RAB6A: variants seen among roughly 807,000 people sequenced by gnomAD.
RAB6A encodes ras-related protein Rab-6A.
In RAB6A, 8 loss-of-function variants were observed where a neutral mutation model predicts 32.3. That is an observed-to-expected ratio of 0.25 (90% confidence interval 0.15 to 0.45). The LOEUF (loss-of-function observed/expected upper bound fraction) is 0.45. Among genes scored for constraint, RAB6A ranks in the 20% least tolerant of loss-of-function variants. The pLI, the probability that RAB6A is intolerant of heterozygous loss-of-function variation, is 1.00. For synonymous variants in RAB6A, 73 were observed against 82.1 expected (o/e 0.89, Z 0.60); for missense variants, 104 against 249.4 (o/e 0.42, Z 3.93).
chr11:73,733,543 A>G (rs1441072805), intron 1 of RAB6A, among the ~76,000 whole-genome samples: 1 of 150,980 alleles, frequency 6.6e-6, no homozygotes, highest in East Asian at 1.9e-4. Context: ...GGTGTGAGAC[A>G]CCATCTCAAA....
At chr11:73,715,918 T>C (rs1371092326) in intron 5 of RAB6A, among the ~76,000 whole-genome samples, 1 of 152,206 alleles carries the variant, frequency 6.6e-6, no homozygotes, top group East Asian at 1.9e-4. Context: ...TTTTTAAAGA[T>C]AAGGTTTTTC....
At chr11:73,741,805 G>T (rs986380880) in intron 1 of RAB6A, among the ~76,000 whole-genome samples, 1 of 151,940 alleles carries the variant, frequency 6.6e-6, no homozygotes, top group Non-Finnish European at 1.5e-5. Context: ...AAGACAAAAA[G>T]AAATAAAAAA....
At chr11:73,725,764 A>T (rs931446951) in intron 2 of RAB6A, among the ~76,000 whole-genome samples, 2 of 152,218 alleles carry the variant, frequency 1.3e-5, no homozygotes, top group Non-Finnish European at 2.9e-5. Flanking sequence ...TAGCCAAACC[A>T]TATCAAGAGG....
At chr11:73,751,221 G>A (rs1050565582) in intron 1 of RAB6A, among the ~76,000 whole-genome samples, 2 of 152,122 alleles carry the variant, frequency 1.3e-5, no homozygotes, top group African/African-American at 4.8e-5. Flanking sequence ...CCGGGCTGTA[G>A]TACGCTATAA....
chr11:73,752,793 G>A (rs1304731152), intron 1 of RAB6A, among the ~76,000 whole-genome samples: 2 of 151,492 alleles, frequency 1.3e-5, no homozygotes, highest in Non-Finnish European at 2.9e-5. Flanking sequence ...ACTCAAGCCT[G>A]GGTGACAGAG....
chr11:73,685,286 C>CTT (rs750488240), intron 6 of RAB6A, among the ~76,000 whole-genome samples: 16,072 of 117,144 alleles, frequency 0.14, 1,511 homozygotes, highest in African/African-American at 0.18. Context: ...TATAGAAAGT[C>CTT]TTTTTTTTTT....
chr11:73,756,348 C>T (rs969377624), intron 1 of RAB6A, among the ~76,000 whole-genome samples: 18 of 151,962 alleles, frequency 1.2e-4, no homozygotes, highest in African/African-American at 3.9e-4. Flanking sequence ...AGGTAGACCC[C>T]GTCTCAAAAG....
At chr11:73,703,277 T>C (rs923863659) in intron 6 of RAB6A, among the ~76,000 whole-genome samples, 2 of 152,184 alleles carry the variant, frequency 1.3e-5, no homozygotes, top group African/African-American at 4.8e-5. Flanking sequence ...TTGTTCAGTC[T>C]AGCTAAGAAA....
intron 2 of RAB6A, among the ~76,000 whole-genome samples, chr11:73,727,895 T>C (rs762669145): frequency 1.3e-5 from 2 of 152,178 alleles, no homozygotes; most frequent in South Asian, 2.1e-4. Flanking sequence ...ATCTATAGAA[T>C]GACAAATGAA....
At chr11:73,718,315 T>C (rs1208006307) in intron 4 of RAB6A, among the ~76,000 whole-genome samples, 1 of 152,108 alleles carries the variant, frequency 6.6e-6, no homozygotes, top group Non-Finnish European at 1.5e-5. Context: ...AAGGAAACAT[T>C]CCTCCAACTA....
At chr11:73,700,533 G>A (rs951350713) in intron 6 of RAB6A, among the ~76,000 whole-genome samples, 1 of 131,418 alleles carries the variant, frequency 7.6e-6, no homozygotes. Flanking sequence ...GCAGTGAGCC[G>A]TGTTCATACC....
rs370374919 is a variant in RAB6A, at chr11:73,760,239, G to A, written c.70+327C>T. The A allele has an allele frequency of 1.8e-3, 1,308 of 738,300 alleles. 26 individuals carry two copies. Among genetic ancestry groups the A allele is most frequent in the South Asian group, 0.017 (1,104 of 63,742 alleles). The allele number at this position is 738,300 out of a possible 1,614,324, so 45.7% of individuals were successfully genotyped here. A position where few individuals can be genotyped will look rare whatever the true frequency, so the allele number is the denominator to read the frequency against. On this transcript the variant is annotated intron_variant, in intron 1 of 7. Transcript: ENST00000336083. Reference sequence around the variant, plus strand: ...GGCTCAAGAAAGGGGGCCGGGGTACGGGCAATGACCGAGACCGGAGGAAGA... The same window carrying A: ...GGCTCAAGAAAGGGGGCCGGGGTACAGGCAATGACCGAGACCGGAGGAAGA...
At chr11:73,750,641 G>A (rs886221163) in intron 1 of RAB6A, among the ~76,000 whole-genome samples, 2 of 152,068 alleles carry the variant, frequency 1.3e-5, no homozygotes, top group African/African-American at 4.8e-5. Flanking sequence ...ACAGGCATGA[G>A]CCCCCATACC....
chr11:73,714,528 G>A (rs1044130379), intron 5 of RAB6A, among the ~76,000 whole-genome samples: 1 of 151,324 alleles, frequency 6.6e-6, no homozygotes, highest in African/African-American at 2.4e-5. Flanking sequence ...CGGGCATGGT[G>A]GCAGGCATCA....
At chr11:73,704,813 G>A (rs1310658385) in intron 6 of RAB6A, among the ~76,000 whole-genome samples, 3 of 151,764 alleles carry the variant, frequency 2.0e-5, no homozygotes, top group African/African-American at 7.3e-5. Flanking sequence ...TGGTGAACAC[G>A]GTGAAACCCC....
chr11:73,759,089 A>G (rs1027991961), intron 1 of RAB6A, among the ~76,000 whole-genome samples: 9 of 152,238 alleles, frequency 5.9e-5, no homozygotes, highest in African/African-American at 2.2e-4. Context: ...AAATTAGTAT[A>G]AATAGTTCAA....
At chr11:73,684,280 T>C (rs1945406786) in intron 6 of RAB6A, among the ~76,000 whole-genome samples, 1 of 150,772 alleles carries the variant, frequency 6.6e-6, no homozygotes, top group Non-Finnish European at 1.5e-5. Flanking sequence ...GCGATTCTCC[T>C]GCCTCAGCCT....
chr11:73,760,035 C>T lies in RAB6A; in HGVS notation c.70+531G>A, dbSNP rs1194914377. Reference sequence around the variant, plus strand: ...AAAATCATTTAATTTTTTCTACTACCACCCCTTCCCACCTTCCACGACATC... The same window carrying T: ...AAAATCATTTAATTTTTTCTACTACTACCCCTTCCCACCTTCCACGACATC... On this transcript the variant is annotated intron_variant, in intron 1 of 7. Transcript: ENST00000336083. The T allele has an allele frequency of 2.3e-6, 3 of 1,289,000 alleles. No homozygotes were observed. In the Admixed American group the frequency reaches 6.9e-5, roughly 30 times the overall value. The allele number at this position is 1,289,000 out of a possible 1,614,324, so 79.8% of individuals were successfully genotyped here.
At chr11:73,698,319 A>C (rs1001980607) in intron 6 of RAB6A, among the ~76,000 whole-genome samples, 1 of 152,244 alleles carries the variant, frequency 6.6e-6, no homozygotes, top group African/African-American at 2.4e-5. Context: ...GAGAGGCAGA[A>C]TATAAGGCTT....
Sources: allele counts gnomAD v4.1 joint callset (sites outside exome capture counted in the v4.1 genomes callset), GRCh38; gene constraint gnomAD v4.1.1; transcripts MANE v1.5; gene names NCBI Gene and HGNC (gene_info 2026-07-23, HGNC 2026-07-21).